The following GLIS1 variants were observed in gnomAD, a reference collection of about 807,000 sequenced individuals.
The protein encoded by GLIS1 is zinc finger protein GLIS1.
In GLIS1, 24 loss-of-function variants were observed where a neutral mutation model predicts 63.8. That is an observed-to-expected ratio of 0.38 (90% CI 0.27 to 0.53). GLIS1 has a LOEUF of 0.53. Among genes scored for constraint, GLIS1 ranks in the 20% least tolerant of loss-of-function variants. The probability of loss-of-function intolerance (pLI) is 0.85; values close to 1 mark genes in which losing one functional copy is unlikely to be tolerated. For missense variants in GLIS1, 1,036 were observed against 1,074.1 expected (o/e 0.96, Z 0.50); for synonymous variants, 450 against 482.5 (o/e 0.93, Z 0.88).
In GLIS1 at chr1:53,686,290, C is replaced by G. The variant is rs370021489; in HGVS notation, c.259+51516G>C. 3.1e-3 allele frequency among the ~76,000 whole-genome samples: 477 copies of G among 152,270 alleles called. 2 individuals are homozygous for G. The highest frequency in any genetic ancestry group is 0.011 in the African/African-American group (456 of 41,558). On this transcript the variant is annotated intron_variant, in intron 2 of 10. Coordinates refer to ENST00000628545, the MANE Select transcript of GLIS1 (RefSeq NM_001367484.1). ...GAGGCCACGCACTGCCAAGTCAGACCGTGGCCCCTTGTTATCTTTCAGCTC... is the reference window on the plus strand; with the variant it reads ...GAGGCCACGCACTGCCAAGTCAGACGGTGGCCCCTTGTTATCTTTCAGCTC...
intron 5 of GLIS1, 68 bp from the exon 6 acceptor site, chr1:53,524,955 C>A: frequency 8.3e-7 from 1 of 1,207,236 alleles, no homozygotes; most frequent in Non-Finnish European, 1.2e-6. Context: ...CTCCGCGTGA[C>A]CTGCTGTGGG....
intron 4 of GLIS1, among the ~76,000 whole-genome samples, chr1:53,547,606 T>C (rs2100391388): frequency 6.6e-6 from 1 of 152,328 alleles, no homozygotes; most frequent in African/African-American, 2.4e-5. Flanking sequence ...GCCAAAGCCC[T>C]CTGATGGCCC....
Position 53,600,101 on chromosome 1 carries a change from C to T in GLIS1, c.437G>A (p.Arg146Lys). Residue 146 changes from arginine to lysine, a missense_variant and splice_region_variant, in exon 3 of 11, where the codon AGG (arginine) becomes AAG (lysine). Physicochemically the swap from Arg to Lys is conservative, Grantham distance 26. Around this residue, in one of 3 missense-constraint regions of GLIS1, gnomAD observed 592 missense variants for 593.9 expected, o/e 1.00. Transcript: ENST00000628545. ...ACAGAAAGCAGCTGCCCACACCTACCTGTCAGGGTGGGGGAAATGCAGCAG... is the reference window on the plus strand; with the variant it reads ...ACAGAAAGCAGCTGCCCACACCTACTTGTCAGGGTGGGGGAAATGCAGCAG... ...ERLLHFPHPD[R>K]SPRPQATYVN... 1 of 1,226,962 alleles carries T rather than the reference C, an allele frequency of 8.2e-7. No homozygotes were observed. Among genetic ancestry groups the T allele is most frequent in the Non-Finnish European group, 1.0e-6 (1 of 983,188 alleles). The allele number at this position is 1,226,962 out of a possible 1,614,324, so 76.0% of individuals were successfully genotyped here. A position where few individuals can be genotyped will look rare whatever the true frequency, so the allele number is the denominator to read the frequency against.
intron 2 of GLIS1, among the ~76,000 whole-genome samples, chr1:53,711,327 C>T (rs1646644521): frequency 6.6e-6 from 1 of 152,216 alleles, no homozygotes; most frequent in African/African-American, 2.4e-5. Context: ...TCTATCATTA[C>T]ACAGTGTACA....
At position 53,526,320 on chromosome 1, in the gene GLIS1, A is replaced by T. The variant is rs1644468525; in HGVS notation, c.1483-1433T>A. 6.6e-6 allele frequency among the ~76,000 whole-genome samples: 1 copy of T among 152,138 alleles called. No individual in the cohort carries two copies. Among genetic ancestry groups the T allele is most frequent in the South Asian group, 2.1e-4 (1 of 4,824 alleles). On this transcript the variant is annotated intron_variant, in intron 5 of 10. Transcript: ENST00000628545. This position sits in a 1 kb window ranked among gnomAD's most constrained non-coding sequence, Gnocchi z 4.4. ...CCCATGGCCCTGGGACCTCATGAGGAGGGGAAGCAGAAAGAGACGACCATA... is the reference window on the plus strand; with the variant it reads ...CCCATGGCCCTGGGACCTCATGAGGTGGGGAAGCAGAAAGAGACGACCATA...
At chr1:53,536,013 A>G (rs1039908628) in intron 4 of GLIS1, among the ~76,000 whole-genome samples, 29 of 152,100 alleles carry the variant, frequency 1.9e-4, no homozygotes, top group Admixed American at 9.8e-4. Flanking sequence ...GACCCGATGA[A>G]TCAGGGTGAG....
chr1:53,622,448 A>AAAAAG (rs1453765493), intron 2 of GLIS1, among the ~76,000 whole-genome samples: 18 of 135,486 alleles, frequency 1.3e-4, no homozygotes, highest in South Asian at 9.6e-4. Flanking sequence ...AAAAAAAAAA[A>AAAAAG]AAGAAGAAGA....
At chr1:53,517,755 CCT>C (rs1280598661) in intron 7 of GLIS1, among the ~76,000 whole-genome samples, 1 of 152,178 alleles carries the variant, frequency 6.6e-6, no homozygotes, top group Non-Finnish European at 1.5e-5. Context: ...CACCCTCTCC[CCT>C]CTGTTCTGGA....
At chr1:53,615,517 C>T (rs1645472455) in intron 2 of GLIS1, among the ~76,000 whole-genome samples, 1 of 152,146 alleles carries the variant, frequency 6.6e-6, no homozygotes, top group Admixed American at 6.5e-5. Flanking sequence ...GAAGAAGGCA[C>T]TGAGAGTATT....
At chr1:53,730,814 C>A (rs1406656615) in intron 2 of GLIS1, among the ~76,000 whole-genome samples, 1 of 152,188 alleles carries the variant, frequency 6.6e-6, no homozygotes, top group Non-Finnish European at 1.5e-5. Context: ...CTTTACCTTC[C>A]ATAGGGGGGG....
At chr1:53,545,053 G>C (rs1246241614) in intron 4 of GLIS1, among the ~76,000 whole-genome samples, 1 of 152,232 alleles carries the variant, frequency 6.6e-6, no homozygotes, top group Non-Finnish European at 1.5e-5. Flanking sequence ...TCCTGCTCCT[G>C]TGTGCTCATT....
At chr1:53,687,962 C>T (rs2950245) in intron 2 of GLIS1, among the ~76,000 whole-genome samples, 133,533 of 152,226 alleles carry the variant, frequency 0.88, 59,635 homozygotes, top group Non-Finnish European at 0.96. Flanking sequence ...CCGGCTGTGC[C>T]CCTAGCCCCA....
Position 53,737,821 on chromosome 1 carries a change from C to G in GLIS1, c.244G>C (p.Ala82Pro). The change falls in exon 2 of 11, where the codon GCC (alanine) becomes CCC (proline). Residue 82 changes from alanine to proline, a missense_variant. By Grantham distance (27) the Ala-to-Pro change is conservative. Transcript: ENST00000628545. Reference sequence around the variant, plus strand: ...CCGAACTCACCCTTCCCGGCGGCGGCGGCCTTGGATGGACCGTAGTCTCGG... The same window carrying G: ...CCGAACTCACCCTTCCCGGCGGCGGGGGCCTTGGATGGACCGTAGTCTCGG... The part of the protein sequence containing the change: ...SPRDYGPSKA[A>P]AAGKVNGSYG... The G allele has an allele frequency of 8.1e-7, 1 of 1,231,068 alleles. No individual in the cohort carries two copies. The highest frequency in any genetic ancestry group is 1.0e-6 in the Non-Finnish European group (1 of 987,470). 76.3% of individuals were successfully genotyped at this position (1,231,068 alleles called of 1,614,324 possible).
chr1:53,621,849 T>TC (rs1168233643), intron 2 of GLIS1, among the ~76,000 whole-genome samples: 2 of 152,106 alleles, frequency 1.3e-5, no homozygotes, highest in Non-Finnish European at 2.9e-5. Flanking sequence ...AGTCTCACTC[T>TC]CGCCAGGTTG....
intron 8 of GLIS1, among the ~76,000 whole-genome samples, chr1:53,514,409 A>G (rs1644328394): frequency 6.6e-6 from 1 of 152,232 alleles, no homozygotes; most frequent in Non-Finnish European, 1.5e-5. Flanking sequence ...TGAGGCATTC[A>G]GAAGCCAGTA....
chr1:53,633,442 AGT>A lies in GLIS1; in HGVS notation c.260-33166_260-33165del, dbSNP rs552990672. On this transcript the variant is annotated intron_variant, in intron 2 of 10. Transcript: ENST00000628545. ...TGAGTGTGACTGAGGGGTGTGAATGAGTGTGACTGAGGGGTGTGAATGAGTGG... is the reference window on the plus strand; with the variant it reads ...TGAGTGTGACTGAGGGGTGTGAATGAGTGACTGAGGGGTGTGAATGAGTGG... Among the ~76,000 whole-genome samples, 11 of 131,160 alleles carry A rather than the reference AGT, an allele frequency of 8.4e-5. No individual in the cohort carries two copies. In the East Asian group the frequency reaches 2.3e-3, roughly 27 times the overall value. The allele number at this position is 131,160 out of a possible 152,430, so 86.0% of individuals were successfully genotyped here. A position where few individuals can be genotyped will look rare whatever the true frequency, so the allele number is the denominator to read the frequency against.
intron 4 of GLIS1, among the ~76,000 whole-genome samples, chr1:53,565,089 A>T (rs1197273678): frequency 6.6e-6 from 1 of 152,034 alleles, no homozygotes; most frequent in Non-Finnish European, 1.5e-5. Flanking sequence ...TCAATCACAT[A>T]AAGGCAAAAA....
At chr1:53,641,149 G>A (rs1569970206) in intron 2 of GLIS1, among the ~76,000 whole-genome samples, 1 of 152,154 alleles carries the variant, frequency 6.6e-6, no homozygotes, top group African/African-American at 2.4e-5. Context: ...CTGCGGTGTT[G>A]ACTCTTCTTG....
intron 2 of GLIS1, among the ~76,000 whole-genome samples, chr1:53,618,783 G>C (rs761478555): frequency 3.3e-5 from 5 of 152,212 alleles, no homozygotes; most frequent in Non-Finnish European, 7.4e-5. Flanking sequence ...TCAGGAAGCA[G>C]CAGGTGCTCA....
Sources: allele counts gnomAD v4.1 joint callset (sites outside exome capture counted in the v4.1 genomes callset), GRCh38; gene constraint gnomAD v4.1.1; regional missense constraint gnomAD v4.1.1; non-coding constraint Gnocchi (gnomAD v3.1); transcripts MANE v1.5; gene names NCBI Gene and HGNC (gene_info 2026-07-23, HGNC 2026-07-21).